The following RUNX1 variants were observed in gnomAD, a reference collection of about 807,000 sequenced individuals.
The protein encoded by RUNX1 is runt-related transcription factor 1.
A neutral mutation model predicts 42.8 loss-of-function variants in RUNX1; 19 were observed. The ratio of observed to expected loss-of-function variants is 0.44; its 90% CI spans 0.31 to 0.65. The LOEUF is 0.65. RUNX1 is among the 30% of genes least tolerant of loss of function. The pLI, the probability that RUNX1 is intolerant of heterozygous loss-of-function variation, is 0.07. For synonymous variants in RUNX1, 271 were observed against 289.4 expected (o/e 0.94, Z 0.64); for missense variants, 528 against 672.0 (o/e 0.79, Z 2.37).
At chr21:34,926,317 A>T (rs2058392942) in intron 2 of RUNX1, among the ~76,000 whole-genome samples, 1 of 151,818 alleles carries the variant, frequency 6.6e-6, no homozygotes, top group Admixed American at 6.6e-5. Flanking sequence ...TCTACAAAAA[A>T]ATACAAAAAT....
At chr21:34,951,590 A>C (rs1346347703) in intron 2 of RUNX1, among the ~76,000 whole-genome samples, 2 of 150,574 alleles carry the variant, frequency 1.3e-5, no homozygotes, top group African/African-American at 5.0e-5. Context: ...GACACTTCCC[A>C]AAAGAAATTT....
chr21:34,841,573 C>T (rs141669407), intron 6 of RUNX1, among the ~76,000 whole-genome samples: 132 of 152,232 alleles, frequency 8.7e-4, no homozygotes, highest in African/African-American at 2.8e-3. Context: ...AAGGCAAATG[C>T]CTCCTACTTG....
At chr21:34,910,394 T>G (rs1345262662) in intron 2 of RUNX1, among the ~76,000 whole-genome samples, 5 of 146,796 alleles carry the variant, frequency 3.4e-5, no homozygotes, top group African/African-American at 1.0e-4. Flanking sequence ...TTTTTTTTTT[T>G]TCTGGTACAG....
intron 6 of RUNX1, among the ~76,000 whole-genome samples, chr21:34,851,405 T>C (rs1283989311): frequency 6.6e-6 from 1 of 152,206 alleles, no homozygotes; most frequent in Non-Finnish European, 1.5e-5. Context: ...TTAGAGATTA[T>C]CTCGTCCCAT....
intron 7 of RUNX1, among the ~76,000 whole-genome samples, chr21:34,824,280 A>C (rs1405318515): frequency 6.6e-6 from 1 of 152,206 alleles, no homozygotes; most frequent in Non-Finnish European, 1.5e-5. Context: ...GAGGTGGTAC[A>C]TTCTTCCCCT....
intron 2 of RUNX1, among the ~76,000 whole-genome samples, chr21:34,915,139 T>C (rs565552552): frequency 2.0e-5 from 3 of 152,322 alleles, no homozygotes; most frequent in East Asian, 3.9e-4. Context: ...GCCCAGTTAA[T>C]AGGACTTGAA....
chr21:34,850,027 AAAC>A (rs146570872), intron 6 of RUNX1, among the ~76,000 whole-genome samples: 22,741 of 151,966 alleles, frequency 0.15, 2,262 homozygotes, highest in East Asian at 0.49. Flanking sequence ...TTACAGGAAA[AAAC>A]AACAACAACA....
intron 7 of RUNX1, among the ~76,000 whole-genome samples, chr21:34,799,881 C>G (rs2056584042): frequency 6.6e-6 from 1 of 152,144 alleles, no homozygotes; most frequent in African/African-American, 2.4e-5. Context: ...CTCAGGGGAT[C>G]ACCTGTCTGT....
At chr21:34,814,084 T>C (rs1302674181) in intron 7 of RUNX1, among the ~76,000 whole-genome samples, 1 of 152,204 alleles carries the variant, frequency 6.6e-6, no homozygotes, top group Non-Finnish European at 1.5e-5. Flanking sequence ...ATTGTCCAGA[T>C]GGTTCTGGTG....
rs8132041 is a variant in RUNX1 at position 35,000,702 on chromosome 21, T to C, written c.58+48140A>G. ...GTTCTTTGGACTTGTATAAGTAACA[T>C]TAACTACTCTTAATACTGGGAAATT... On this transcript the variant is annotated intron_variant, in intron 2 of 8. Coordinates refer to ENST00000675419, the MANE Select transcript of RUNX1 (RefSeq NM_001754.5). 8.4e-3 allele frequency among the ~76,000 whole-genome samples: 1,274 copies of C among 152,328 alleles called. 17 individuals are homozygous for C. Among genetic ancestry groups the C allele is most frequent in the African/African-American group, 0.03 (1,230 of 41,570 alleles).
At chr21:34,896,919 T>C (rs1282155856) in intron 2 of RUNX1, among the ~76,000 whole-genome samples, 1 of 152,028 alleles carries the variant, frequency 6.6e-6, no homozygotes, top group East Asian at 1.9e-4. Flanking sequence ...ATGAAATTTG[T>C]TGGAGGAGGG....
chr21:34,911,799 G>A (rs528124951), intron 2 of RUNX1, among the ~76,000 whole-genome samples: 2 of 152,218 alleles, frequency 1.3e-5, no homozygotes, highest in East Asian at 1.9e-4. Context: ...TCACAGACGC[G>A]CCAAGCTTTT....
At chr21:34,820,123 G>A (rs944747649) in intron 7 of RUNX1, among the ~76,000 whole-genome samples, 1 of 152,268 alleles carries the variant, frequency 6.6e-6, no homozygotes, top group African/African-American at 2.4e-5. Flanking sequence ...TTTGTGCTCA[G>A]GAAGTGACCT....
At chr21:35,046,647 C>T (rs993078842) in intron 2 of RUNX1, among the ~76,000 whole-genome samples, 10 of 152,174 alleles carry the variant, frequency 6.6e-5, no homozygotes, top group African/African-American at 1.9e-4. Context: ...TTTGCTACCT[C>T]TCCGGCTTGG....
intron 2 of RUNX1, among the ~76,000 whole-genome samples, chr21:35,017,662 G>A (rs1159140792): frequency 1.3e-5 from 2 of 152,130 alleles, no homozygotes; most frequent in African/African-American, 4.8e-5. Context: ...AGTTTGCCCT[G>A]CTATGAATCA....
In RUNX1 at chr21:34,789,987, A is replaced by G. The variant is rs939065528; in HGVS notation, c.*2148T>C. 1 of 233,064 alleles carries G rather than the reference A, an allele frequency of 4.3e-6. No homozygotes were observed. Among genetic ancestry groups the G allele is most frequent in the African/African-American group, 2.2e-5 (1 of 45,346 alleles). The allele number at this position is 233,064 out of a possible 1,614,324, so 14.4% of individuals were successfully genotyped here. ...GAAATGGGCTAATGGTGCTTTTCAG[A>G]AATTAAATTTTTACATTTGCTGACA... On this transcript the variant is annotated 3_prime_UTR_variant, in exon 9 of 9. Coordinates refer to ENST00000675419, the MANE Select transcript of RUNX1 (RefSeq NM_001754.5).
intron 2 of RUNX1, among the ~76,000 whole-genome samples, chr21:34,898,651 C>G (rs936905229): frequency 7.2e-5 from 11 of 152,200 alleles, no homozygotes; most frequent in African/African-American, 2.7e-4. Flanking sequence ...TAGATTCACT[C>G]TCATTCCCAC....
intron 2 of RUNX1, among the ~76,000 whole-genome samples, chr21:34,921,845 G>T (rs977737524): frequency 1.3e-5 from 2 of 152,050 alleles, no homozygotes; most frequent in African/African-American, 4.8e-5. Flanking sequence ...TATTGGCCAG[G>T]CTGGTCTCGA....
At chr21:34,980,061 T>C (rs1430246766) in intron 2 of RUNX1, among the ~76,000 whole-genome samples, 3 of 152,226 alleles carry the variant, frequency 2.0e-5, no homozygotes, top group Admixed American at 2.0e-4. Flanking sequence ...AATGAGTCAA[T>C]ATACATAAAG....
Sources: gnomAD v4.1 joint callset for allele counts (sites outside exome capture counted in the v4.1 genomes callset) on GRCh38, gnomAD v4.1.1 for gene constraint, MANE v1.5 for transcripts, NCBI Gene and HGNC (gene_info 2026-07-23, HGNC 2026-07-21) for gene names.